KAZN: variants seen among roughly 807,000 people sequenced by gnomAD.
KAZN encodes the protein kazrin, periplakin interacting protein, also known as kazrin.
In KAZN, 40 loss-of-function variants were observed where a neutral mutation model predicts 87.4. That is an observed-to-expected ratio of 0.46 (90% CI 0.36 to 0.60). The LOEUF (loss-of-function observed/expected upper bound fraction) is 0.60. Ranked by LOEUF, KAZN falls within the 20% of genes least tolerant of loss-of-function variation. The probability of loss-of-function intolerance (pLI) is 0.00; values close to 1 mark genes in which losing one functional copy is unlikely to be tolerated. For missense variants in KAZN, 898 were observed against 1,073.9 expected (o/e 0.84, Z 2.29); for synonymous variants, 466 against 458.3 (o/e 1.02, Z -0.22).
At chr1:14,057,102 G>A (rs1642597244) in intron 1 of KAZN, among the ~76,000 whole-genome samples, 1 of 149,242 alleles carries the variant, frequency 6.7e-6, no homozygotes, top group Non-Finnish European at 1.5e-5. Flanking sequence ...AAGGGAACTT[G>A]CATGTTTAAC....
At chr1:14,107,323 G>A (rs1644399296) in intron 1 of KAZN, among the ~76,000 whole-genome samples, 2 of 151,796 alleles carry the variant, frequency 1.3e-5, no homozygotes, top group South Asian at 2.1e-4. Flanking sequence ...AGCAATTTGT[G>A]TCACCATTTT....
rs1273807272 is a variant in KAZN, at chr1:14,480,767, TATATA to T, written c.250-118210_250-118206del. The stretch of plus-strand genomic sequence containing the variant: ...TATATGTATTTATATATGTAAAAAA[TATATA>T]ATATATATAATATATATAAAATGTA... On this transcript the variant is annotated intron_variant, in intron 2 of 16. Transcript: ENST00000636203. Among the ~76,000 whole-genome samples the T allele has an allele frequency of 6.2e-5, 9 of 145,608 alleles. No homozygotes were observed. In the South Asian group the frequency reaches 1.3e-3, roughly 20 times the overall value.
At chr1:14,154,312 T>G (rs1207565908) in intron 1 of KAZN, among the ~76,000 whole-genome samples, 1 of 152,224 alleles carries the variant, frequency 6.6e-6, no homozygotes, top group Non-Finnish European at 1.5e-5. Flanking sequence ...ACTGTAGGCA[T>G]ACAGAAATGC....
intron 2 of KAZN, among the ~76,000 whole-genome samples, chr1:14,986,430 G>A (rs187982557): frequency 3.3e-5 from 5 of 152,318 alleles, no homozygotes; most frequent in Non-Finnish European, 5.9e-5. Context: ...GGAAACTTGT[G>A]TACAGTGATA....
At chr1:14,090,414 C>T (rs1643949296) in intron 1 of KAZN, among the ~76,000 whole-genome samples, 1 of 151,954 alleles carries the variant, frequency 6.6e-6, no homozygotes, top group Non-Finnish European at 1.5e-5. Context: ...GTCTAATCTG[C>T]TGTCAATTCC....
intron 1 of KAZN, among the ~76,000 whole-genome samples, chr1:14,806,885 A>G (rs980681130): frequency 6.6e-6 from 1 of 152,230 alleles, no homozygotes; most frequent in Non-Finnish European, 1.5e-5. Flanking sequence ...ATATAAACTC[A>G]TCAACAATCC....
intron 2 of KAZN, among the ~76,000 whole-genome samples, chr1:14,510,957 T>C (rs1453257011): frequency 6.6e-6 from 1 of 152,178 alleles, no homozygotes; most frequent in African/African-American, 2.4e-5. Context: ...CAAAGTTGTC[T>C]TAACTAGACC....
chr1:14,353,552 T>A (rs925906415), intron 2 of KAZN, among the ~76,000 whole-genome samples: 1 of 152,160 alleles, frequency 6.6e-6, no homozygotes, highest in Non-Finnish European at 1.5e-5. Context: ...CTTGAAGGGA[T>A]CTACCAAAAA....
rs1557586164 is a variant in KAZN, at chr1:14,883,344, A to AGAGAGAGAGAGAGAGAG, written c.227-77340_227-77339insGAGAGAGAGAGAGAGAG. On this transcript the variant is annotated intron_variant, in intron 1 of 14. Coordinates refer to ENST00000376030, the MANE Select transcript of KAZN (RefSeq NM_201628.3). ...AGAGAGAGAGAGAGAGAGAGAGAGA[A>AGAGAGAGAGAGAGAGAG]AGAAAGAAAGAAAAGAAAGAAAGAA... Among the ~76,000 whole-genome samples, 138 of 29,670 alleles carry AGAGAGAGAGAGAGAGAG rather than the reference A, an allele frequency of 4.7e-3. 24 individuals carry two copies. The highest frequency in any genetic ancestry group is 0.016 in the East Asian group (5 of 320). 19.5% of individuals were successfully genotyped at this position (29,670 alleles called of 152,430 possible). A position where few individuals can be genotyped will look rare whatever the true frequency, so the allele number is the denominator to read the frequency against.
chr1:14,144,289 T>C (rs770181955), intron 1 of KAZN, among the ~76,000 whole-genome samples: 34 of 152,200 alleles, frequency 2.2e-4, no homozygotes, highest in South Asian at 4.1e-4. Flanking sequence ...CAGGATAGCA[T>C]GTCTTCCCCT....
At chr1:15,051,924 C>G (rs532331811) in intron 4 of KAZN, among the ~76,000 whole-genome samples, 4 of 152,346 alleles carry the variant, frequency 2.6e-5, no homozygotes, top group South Asian at 2.1e-4. Flanking sequence ...TTCTGTCTGA[C>G]TTTTGTCAAA....
intron 1 of KAZN, among the ~76,000 whole-genome samples, chr1:14,087,570 A>T (rs1363390102): frequency 6.6e-6 from 1 of 152,086 alleles, no homozygotes; most frequent in African/African-American, 2.4e-5. Context: ...TTTTCCACTA[A>T]GTATAGTGTT....
At chr1:14,092,655 AC>A (rs1644031878) in intron 1 of KAZN, among the ~76,000 whole-genome samples, 1 of 151,974 alleles carries the variant, frequency 6.6e-6, no homozygotes, top group South Asian at 2.1e-4. Flanking sequence ...ACGCACTGGT[AC>A]CCATGTGGCT....
At chr1:14,327,109 G>A (rs76072690) in intron 2 of KAZN, among the ~76,000 whole-genome samples, 3,401 of 152,168 alleles carry the variant, frequency 0.022, 138 homozygotes, top group African/African-American at 0.078. Context: ...GGAATGTGTC[G>A]GCTCAAGTTA....
intron 1 of KAZN, among the ~76,000 whole-genome samples, chr1:14,056,731 A>G (rs1642576728): frequency 6.6e-6 from 1 of 152,188 alleles, no homozygotes; most frequent in Non-Finnish European, 1.5e-5. Flanking sequence ...AACAGGTCTC[A>G]CTCTGAAGCC....
chr1:14,345,200 G>A (rs989398240), intron 2 of KAZN, among the ~76,000 whole-genome samples: 10 of 151,926 alleles, frequency 6.6e-5, no homozygotes, highest in African/African-American at 2.4e-4. Flanking sequence ...TTACAGGCAT[G>A]AGCCACCACG....
intron 2 of KAZN, among the ~76,000 whole-genome samples, chr1:14,552,943 C>A (rs74057829): frequency 6.6e-6 from 1 of 152,150 alleles, no homozygotes; most frequent in Admixed American, 6.5e-5. Context: ...TGGGCTACAG[C>A]GGACTGGGGC....
rs186799730 is a variant in KAZN, at chr1:14,264,183, C to T, written c.249+83591C>T. On this transcript the variant is annotated intron_variant, in intron 2 of 16. Coordinates refer to the KAZN transcript ENST00000636203. ...GGCAGCAGGACTGTGTTTCTTTCTG[C>T]AGGTTCTAAACCTAAGTCTGCTTCT... Among the ~76,000 whole-genome samples, 29 of 152,264 alleles carry T rather than the reference C, an allele frequency of 1.9e-4. No individual in the cohort carries two copies. In the East Asian group the frequency reaches 4.8e-3, roughly 25 times the overall value.
chr1:14,871,421 C>A (rs1038455228), intron 1 of KAZN, among the ~76,000 whole-genome samples: 2 of 152,074 alleles, frequency 1.3e-5, no homozygotes, highest in African/African-American at 4.8e-5. Flanking sequence ...GATGGGCTTC[C>A]TCTTCGAATA....
Sources: gnomAD v4.1 joint callset for allele counts (sites outside exome capture counted in the v4.1 genomes callset) on GRCh38, gnomAD v4.1.1 for gene constraint, MANE v1.5 for transcripts, NCBI Gene and HGNC (gene_info 2026-07-23, HGNC 2026-07-21) for gene names.